GPR39: variants seen among roughly 807,000 people sequenced by gnomAD.
GPR39 encodes G protein-coupled receptor 39, also known as zinc sensing receptor.
In GPR39, 23 loss-of-function variants were observed where a neutral mutation model predicts 18.4. That is an observed-to-expected ratio of 1.25 (90% CI 0.90 to 1.77). The LOEUF (loss-of-function observed/expected upper bound fraction) is 1.77, where lower values mean the gene tolerates loss of function less well. Ranked by LOEUF, GPR39 falls within the 40% of genes most tolerant of loss-of-function variation. The pLI, the probability that GPR39 is intolerant of heterozygous loss-of-function variation, is 0.00. For synonymous variants in GPR39, 280 were observed against 257.9 expected (o/e 1.09, Z -0.82); for missense variants, 647 against 602.4 (o/e 1.07, Z -0.78).
At chr2:132,564,718 A>G (rs1680315367) in intron 1 of GPR39, among the ~76,000 whole-genome samples, 1 of 151,844 alleles carries the variant, frequency 6.6e-6, no homozygotes, top group Non-Finnish European at 1.5e-5. Flanking sequence ...CATAATCTTC[A>G]AAATTTCTGG....
chr2:132,589,768 A>G (rs954949384), intron 1 of GPR39, among the ~76,000 whole-genome samples: 2 of 152,248 alleles, frequency 1.3e-5, no homozygotes, highest in African/African-American at 4.8e-5. Flanking sequence ...CCAGAGCCAT[A>G]AAGATTAAAA....
intron 1 of GPR39, among the ~76,000 whole-genome samples, chr2:132,513,462 C>CAAA (rs35917253): frequency 0.14 from 20,442 of 149,276 alleles, 1,538 homozygotes; most frequent in African/African-American, 0.2. Context: ...GACTCTGTCT[C>CAAA]AAAAAAAAAG....
intron 1 of GPR39, among the ~76,000 whole-genome samples, chr2:132,536,173 T>C (rs1439687644): frequency 6.6e-6 from 1 of 152,206 alleles, no homozygotes; most frequent in Non-Finnish European, 1.5e-5. Context: ...AGGGTGTCAA[T>C]CTGAGATCTC....
chr2:132,474,685 C>T (rs1421731218), intron 1 of GPR39, among the ~76,000 whole-genome samples: 1 of 152,198 alleles, frequency 6.6e-6, no homozygotes, highest in African/African-American at 2.4e-5. Context: ...TCGAGGCAGC[C>T]CAGTTGCTAC....
chr2:132,461,845 G>A (rs576648128), intron 1 of GPR39, among the ~76,000 whole-genome samples: 1 of 152,296 alleles, frequency 6.6e-6, no homozygotes, highest in East Asian at 1.9e-4. Context: ...TTGCTGTGCC[G>A]AGGGATTTGG....
intron 1 of GPR39, among the ~76,000 whole-genome samples, chr2:132,495,426 T>TG (rs577292298): frequency 9.2e-5 from 14 of 152,068 alleles, no homozygotes; most frequent in Non-Finnish European, 1.8e-4. Flanking sequence ...CCCCAAACTG[T>TG]GGGGGTGTCT....
intron 1 of GPR39, among the ~76,000 whole-genome samples, chr2:132,530,618 C>A (rs1469365080): frequency 1.3e-5 from 2 of 152,134 alleles, no homozygotes; most frequent in East Asian, 1.9e-4. Context: ...GTCGGGTTAC[C>A]CACAAAGGGA....
intron 1 of GPR39, among the ~76,000 whole-genome samples, chr2:132,492,410 CAT>C (rs1288592834): frequency 1.5e-4 from 20 of 134,490 alleles, no homozygotes; most frequent in African/African-American, 5.5e-4. Flanking sequence ...ATATACATAC[CAT>C]ATATATACCA....
chr2:132,549,231 T>G (rs1487838897), intron 1 of GPR39, among the ~76,000 whole-genome samples: 1 of 152,170 alleles, frequency 6.6e-6, no homozygotes, highest in Non-Finnish European at 1.5e-5. Context: ...TATCAGACTG[T>G]AATATCTTTG....
intron 1 of GPR39, among the ~76,000 whole-genome samples, chr2:132,506,773 G>A (rs545885092): frequency 6.6e-6 from 1 of 152,232 alleles, no homozygotes; most frequent in African/African-American, 2.4e-5. Context: ...GAGGATTAGG[G>A]GAACTACAAT....
chr2:132,442,167 C>T (rs902092228), intron 1 of GPR39, among the ~76,000 whole-genome samples: 5 of 152,078 alleles, frequency 3.3e-5, no homozygotes, highest in South Asian at 2.1e-4. Context: ...GAAAAAGGGA[C>T]GTGATTGTTC....
intron 1 of GPR39, among the ~76,000 whole-genome samples, chr2:132,460,622 A>G (rs1393650946): frequency 6.6e-6 from 1 of 152,240 alleles, no homozygotes; most frequent in Non-Finnish European, 1.5e-5. Context: ...AAATTAAAAA[A>G]GAAAAAAAGG....
chr2:132,431,850 C>T lies in GPR39; in HGVS notation c.856+13952C>T, dbSNP rs150749049. 2.0e-3 allele frequency among the ~76,000 whole-genome samples: 305 copies of T among 152,298 alleles called. 1 individual carries two copies. The highest frequency in any genetic ancestry group is 2.4e-3 in the Non-Finnish European group (161 of 68,028). On this transcript the variant is annotated intron_variant, in intron 1 of 1. Coordinates refer to ENST00000329321, the MANE Select transcript of GPR39 (RefSeq NM_001508.3). ...CTGTAACAAGTTACTACACATTTGACGGCTTAAAACAGTAGACATTTATTT... is the reference window on the plus strand; with the variant it reads ...CTGTAACAAGTTACTACACATTTGATGGCTTAAAACAGTAGACATTTATTT...
At position 132,645,991 on chromosome 2, in the gene GPR39, T is replaced by G; in HGVS notation, c.*385T>G. The G allele has an allele frequency of 2.2e-6, 3 of 1,346,082 alleles. No individual in the cohort carries two copies. The highest frequency in any genetic ancestry group is 3.0e-6 in the Non-Finnish European group (3 of 996,226). 83.4% of individuals were successfully genotyped at this position (1,346,082 alleles called of 1,614,324 possible). A position where few individuals can be genotyped will look rare whatever the true frequency, so the allele number is the denominator to read the frequency against. On this transcript the variant is annotated 3_prime_UTR_variant, in exon 2 of 2. Coordinates refer to ENST00000329321, the MANE Select transcript of GPR39 (RefSeq NM_001508.3). ...GAAACTCACTCAGGGAGGTGGGGGGTTGGGGGCGAGGGCTGGAAGAACAAT... is the reference window on the plus strand; with the variant it reads ...GAAACTCACTCAGGGAGGTGGGGGGGTGGGGGCGAGGGCTGGAAGAACAAT...
At chr2:132,618,640 T>C (rs1681380378) in intron 1 of GPR39, among the ~76,000 whole-genome samples, 1 of 152,074 alleles carries the variant, frequency 6.6e-6, no homozygotes, top group Non-Finnish European at 1.5e-5. Flanking sequence ...GGTGGTGCTT[T>C]GGGAGGCCAC....
chr2:132,541,520 G>A (rs918946260), intron 1 of GPR39, among the ~76,000 whole-genome samples: 9 of 152,290 alleles, frequency 5.9e-5, no homozygotes, highest in East Asian at 3.9e-4. Context: ...CATCCATACC[G>A]CTCTCTCCTT....
At chr2:132,533,032 A>G (rs978695887) in intron 1 of GPR39, among the ~76,000 whole-genome samples, 24 of 152,118 alleles carry the variant, frequency 1.6e-4, no homozygotes, top group Admixed American at 5.2e-4. Flanking sequence ...AGGGCATTCA[A>G]TTAGGAAAAG....
intron 1 of GPR39, among the ~76,000 whole-genome samples, chr2:132,589,629 T>TA (rs1350521672): frequency 6.6e-6 from 1 of 152,216 alleles, no homozygotes; most frequent in African/African-American, 2.4e-5. Flanking sequence ...TGGACACAGC[T>TA]AGTTTATGGA....
intron 1 of GPR39, among the ~76,000 whole-genome samples, chr2:132,533,755 T>A (rs918838672): frequency 5.9e-5 from 9 of 152,216 alleles, no homozygotes; most frequent in Non-Finnish European, 1.3e-4. Flanking sequence ...GATTCCCTAT[T>A]TAATAAATGG....
Sources: allele counts gnomAD v4.1 joint callset (sites outside exome capture counted in the v4.1 genomes callset), GRCh38; gene constraint gnomAD v4.1.1; transcripts MANE v1.5; gene names NCBI Gene and HGNC (gene_info 2026-07-23, HGNC 2026-07-21).